Variants in CTNND2 observed in about 807,000 individuals in gnomAD.
CTNND2 encodes the protein catenin delta 2, also known as catenin delta-2.
Under a neutral mutation model 144.4 loss-of-function variants are expected in CTNND2, and 22 were observed. The ratio of observed to expected loss-of-function variants is 0.15; its 90% CI spans 0.11 to 0.22. The LOEUF is 0.22. Ranked by LOEUF, CTNND2 falls within the 10% of genes least tolerant of loss-of-function variation. CTNND2 has a pLI of 1.00. For missense variants in CTNND2, 1,353 were observed against 1,618.8 expected, an observed-to-expected ratio of 0.84 and a Z score of 2.82; for synonymous variants, 751 against 695.6, an observed-to-expected ratio of 1.08 and a Z score of -1.25.
At chr5:11,131,755 C>T (rs959714080) in intron 12 of CTNND2, among the ~76,000 whole-genome samples, 4 of 152,090 alleles carry the variant, frequency 2.6e-5, no homozygotes, top group African/African-American at 9.7e-5. Context: ...CACCATTGCA[C>T]TCCAGCCTGG....
At chr5:11,355,251 T>C (rs946472981) in intron 8 of CTNND2, among the ~76,000 whole-genome samples, 4 of 152,086 alleles carry the variant, frequency 2.6e-5, no homozygotes, top group Non-Finnish European at 4.4e-5. Context: ...GGTGTGTTTA[T>C]TTTTTCAAAA....
At chr5:11,222,097 G>C (rs1250520909) in intron 10 of CTNND2, among the ~76,000 whole-genome samples, 4 of 152,194 alleles carry the variant, frequency 2.6e-5, no homozygotes, top group African/African-American at 4.8e-5. Context: ...CGAATGGACT[G>C]ACATTCACAC....
At chr5:11,396,038 G>A (rs1371635127) in intron 6 of CTNND2, among the ~76,000 whole-genome samples, 1 of 151,444 alleles carries the variant, frequency 6.6e-6, no homozygotes, top group South Asian at 2.1e-4. Context: ...GAAAGAGATG[G>A]GCTCGGGGGT....
chr5:11,371,400 A>G (rs1757468712), intron 7 of CTNND2, among the ~76,000 whole-genome samples: 1 of 152,220 alleles, frequency 6.6e-6, no homozygotes, highest in African/African-American at 2.4e-5. Context: ...CAAATATTAC[A>G]TCTTAGATCT....
intron 2 of CTNND2, among the ~76,000 whole-genome samples, chr5:11,623,344 T>C (rs2126435200): frequency 1.3e-5 from 2 of 152,202 alleles, no homozygotes; most frequent in Middle Eastern, 3.4e-3. Flanking sequence ...GTTTCCCCCA[T>C]ACTGTTCTCA....
intron 1 of CTNND2, among the ~76,000 whole-genome samples, chr5:11,889,847 C>T (rs998438069): frequency 1.3e-5 from 2 of 152,198 alleles, no homozygotes; most frequent in Non-Finnish European, 2.9e-5. Flanking sequence ...TTATAAAGGA[C>T]ATCACAATGT....
At chr5:11,049,055 T>C (rs995529419) in intron 16 of CTNND2, among the ~76,000 whole-genome samples, 1 of 152,118 alleles carries the variant, frequency 6.6e-6, no homozygotes, top group African/African-American at 2.4e-5. Context: ...GGGGACAAAA[T>C]TGCCCCATGT....
chr5:11,840,886 A>G (rs1157591863), intron 1 of CTNND2, among the ~76,000 whole-genome samples: 1 of 152,196 alleles, frequency 6.6e-6, no homozygotes, highest in Non-Finnish European at 1.5e-5. Context: ...GGGCATATCT[A>G]CCCTATCAGG....
chr5:11,411,507 T>C (rs1561353397), intron 5 of CTNND2, 29 bp downstream of exon 5: 2 of 1,114,164 alleles, frequency 1.8e-6, no homozygotes, highest in Non-Finnish European at 2.7e-6. Context: ...ATTTCAACTA[T>C]CTTCAAGCAT....
intron 9 of CTNND2, among the ~76,000 whole-genome samples, chr5:11,327,610 T>C (rs1458208896): frequency 1.3e-5 from 2 of 152,188 alleles, no homozygotes; most frequent in Non-Finnish European, 2.9e-5. Context: ...TGGGGCCTTA[T>C]TATGCCACTG....
intron 2 of CTNND2, among the ~76,000 whole-genome samples, chr5:11,599,582 G>GT (rs1249387153): frequency 2.1e-4 from 32 of 152,176 alleles, no homozygotes; most frequent in Non-Finnish European, 3.4e-4. Context: ...AAGGATTTGG[G>GT]TTTTTTTGCT....
At chr5:11,353,062 CTTTTTTTTT>C (rs35251702) in intron 8 of CTNND2, among the ~76,000 whole-genome samples, 1 of 125,476 alleles carries the variant, frequency 8.0e-6, no homozygotes, top group Non-Finnish European at 1.7e-5. Flanking sequence ...GATACACAGT[CTTTTTTTTT>C]TTTTTTTTTT....
At chr5:11,227,061 C>CGT (rs1385297146) in intron 10 of CTNND2, among the ~76,000 whole-genome samples, 3 of 152,068 alleles carry the variant, frequency 2.0e-5, no homozygotes, top group Non-Finnish European at 2.9e-5. Flanking sequence ...AGCCACACAC[C>CGT]GTGTGTGTGT....
At chr5:11,260,405 G>A (rs1456728667) in intron 9 of CTNND2, among the ~76,000 whole-genome samples, 5 of 151,918 alleles carry the variant, frequency 3.3e-5, no homozygotes, top group Non-Finnish European at 5.9e-5. Flanking sequence ...AGGCTTAAAA[G>A]CACAAGGTCT....
chr5:11,687,393 G>C (rs1298798558), intron 2 of CTNND2, among the ~76,000 whole-genome samples: 1 of 152,184 alleles, frequency 6.6e-6, no homozygotes, highest in East Asian at 1.9e-4. Flanking sequence ...GATAAAGCAT[G>C]TTCTCTTTCC....
chr5:11,568,125 AACATTCCC>A lies in CTNND2; in HGVS notation c.175-3077_175-3070del, dbSNP rs548269675. The stretch of plus-strand genomic sequence containing the variant: ...CCAGCTTGGCTGGTGGGTGCTGGCA[AACATTCCC>A]ACCTCTGTGTGAGTACCAGGCACAG... On this transcript the variant is annotated intron_variant, in intron 2 of 21. Coordinates refer to ENST00000304623, the MANE Select transcript of CTNND2 (RefSeq NM_001332.4). Among the ~76,000 whole-genome samples the A allele has an allele frequency of 4.0e-3, 612 of 152,238 alleles. 4 individuals are homozygous for A. The highest frequency in any genetic ancestry group is 0.014 in the African/African-American group (579 of 41,544).
intron 12 of CTNND2, among the ~76,000 whole-genome samples, chr5:11,151,039 C>A (rs1297488834): frequency 6.6e-6 from 1 of 152,212 alleles, no homozygotes; most frequent in Non-Finnish European, 1.5e-5. Flanking sequence ...TCAACAGGGG[C>A]ATGGCCCCAC....
chr5:11,469,795 A>G (rs1000960227), intron 3 of CTNND2, among the ~76,000 whole-genome samples: 11 of 151,670 alleles, frequency 7.3e-5, no homozygotes, highest in African/African-American at 2.7e-4. Context: ...GAAAGCCATC[A>G]TCGTAGATTT....
At chr5:11,068,440 T>A (rs1747854649) in intron 16 of CTNND2, among the ~76,000 whole-genome samples, 1 of 152,182 alleles carries the variant, frequency 6.6e-6, no homozygotes, top group South Asian at 2.1e-4. Context: ...TGGTGATGTG[T>A]TCAAGTTAAG....
Sources: allele counts gnomAD v4.1 joint callset (sites outside exome capture counted in the v4.1 genomes callset), GRCh38; gene constraint gnomAD v4.1.1; transcripts MANE v1.5; gene names NCBI Gene and HGNC (gene_info 2026-07-23, HGNC 2026-07-21).